Variants in B3GALT1 observed in about 807,000 individuals in gnomAD.
B3GALT1 encodes UDP-Gal:betaGlcNAc beta 1,3-galactosyltransferase, polypeptide 1.
B3GALT1 carries 10 observed loss-of-function variants against 23.2 expected under a neutral mutation model. The observed-to-expected ratio is 0.43, with a 90% CI of 0.27 to 0.73. B3GALT1 has a LOEUF of 0.73. Among genes scored for constraint, B3GALT1 ranks in the 30% least tolerant of loss-of-function variants. The probability of loss-of-function intolerance (pLI) is 0.21; values close to 1 mark genes in which losing one functional copy is unlikely to be tolerated. For missense variants in B3GALT1, 299 were observed against 405.4 expected, an observed-to-expected ratio of 0.74 and a Z score of 2.25; for synonymous variants, 156 against 141.5, an observed-to-expected ratio of 1.10 and a Z score of -0.73.
intron 1 of B3GALT1, among the ~76,000 whole-genome samples, chr2:167,378,478 C>T (rs1178929504): frequency 6.6e-6 from 1 of 151,950 alleles, no homozygotes; most frequent in African/African-American, 2.4e-5. Flanking sequence ...GTTTAGTTGC[C>T]TTAAATAATA....
intron 3 of B3GALT1, chr2:167,714,052 A>G (rs1030536881): frequency 3.1e-5 from 47 of 1,537,146 alleles, no homozygotes; most frequent in Non-Finnish European, 4.1e-5. Context: ...GCACATTTAA[A>G]TGACCAGGAT....
intron 2 of B3GALT1, among the ~76,000 whole-genome samples, chr2:167,609,220 C>T (rs529362806): frequency 4.0e-4 from 61 of 152,084 alleles, no homozygotes; most frequent in African/African-American, 1.3e-3. Flanking sequence ...CCAATAATAA[C>T]GTATTTGTTC....
chr2:167,331,481 G>T (rs1356618605), intron 1 of B3GALT1, among the ~76,000 whole-genome samples: 1 of 152,158 alleles, frequency 6.6e-6, no homozygotes, highest in Admixed American at 6.5e-5. Context: ...GGTGTTGGCA[G>T]TGTATGTGAT....
At chr2:167,356,159 C>G (rs756599591) in intron 1 of B3GALT1, among the ~76,000 whole-genome samples, 1 of 152,156 alleles carries the variant, frequency 6.6e-6, no homozygotes, top group Non-Finnish European at 1.5e-5. Context: ...AGGAACTGCT[C>G]TTGATTAGGT....
At chr2:167,674,367 TC>T (rs1437538640) in intron 3 of B3GALT1, among the ~76,000 whole-genome samples, 3 of 152,180 alleles carry the variant, frequency 2.0e-5, no homozygotes, top group African/African-American at 7.2e-5. Flanking sequence ...TACATTTTTT[TC>T]ATTTACTTCA....
chr2:167,519,077 C>T (rs1919850), intron 2 of B3GALT1, among the ~76,000 whole-genome samples: 84,763 of 149,882 alleles, frequency 0.57, 27,428 homozygotes, highest in East Asian at 0.9. Flanking sequence ...AATACAATTT[C>T]TTTTTTTTGT....
intron 1 of B3GALT1, among the ~76,000 whole-genome samples, chr2:167,453,825 G>C (rs1357925562): frequency 6.6e-6 from 1 of 152,194 alleles, no homozygotes; most frequent in African/African-American, 2.4e-5. Context: ...GGATTTCTTT[G>C]TGAAGTTCTG....
chr2:167,485,076 C>G (rs1337281740), intron 1 of B3GALT1, among the ~76,000 whole-genome samples: 2 of 152,088 alleles, frequency 1.3e-5, no homozygotes, highest in African/African-American at 2.4e-5. Context: ...GTCCAACCCC[C>G]ACTTCCCATC....
chr2:167,854,134 A>G (rs888407543), intron 4 of B3GALT1, among the ~76,000 whole-genome samples: 1 of 152,196 alleles, frequency 6.6e-6, no homozygotes, highest in Non-Finnish European at 1.5e-5. Flanking sequence ...GCAATTAATA[A>G]TAGCCAAAAT....
chr2:167,334,925 T>G (rs929070018), intron 1 of B3GALT1, among the ~76,000 whole-genome samples: 8 of 152,200 alleles, frequency 5.3e-5, no homozygotes, highest in African/African-American at 1.9e-4. Flanking sequence ...TTTTGTAATT[T>G]TATTTCTTTA....
chr2:167,778,267 C>A (rs1460209641), intron 3 of B3GALT1, among the ~76,000 whole-genome samples: 1 of 152,084 alleles, frequency 6.6e-6, no homozygotes, highest in Admixed American at 6.6e-5. Flanking sequence ...GTTCTACTGT[C>A]TCCTCTGTGT....
chr2:167,625,940 GCCATATATATATATATATATAT>G, intron 2 of B3GALT1, among the ~76,000 whole-genome samples: 1 of 70,568 alleles, frequency 1.4e-5, no homozygotes, highest in Admixed American at 1.6e-4. Context: ...CAATGACTAG[GCCATATATATATATATATATAT>G]ATATATATAT....
At chr2:167,716,252 G>A (rs542200101) in intron 3 of B3GALT1, among the ~76,000 whole-genome samples, 4 of 151,754 alleles carry the variant, frequency 2.6e-5, no homozygotes, top group Admixed American at 1.3e-4. Flanking sequence ...GGCCCGTGCT[G>A]CCCCCCGCAC....
chr2:167,578,684 A>G (rs960738221), intron 2 of B3GALT1, among the ~76,000 whole-genome samples: 3 of 151,958 alleles, frequency 2.0e-5, no homozygotes, highest in Non-Finnish European at 2.9e-5. Context: ...TAAAATCATA[A>G]CAGATGTCCT....
chr2:167,517,572 G>C (rs904463183), intron 2 of B3GALT1, among the ~76,000 whole-genome samples: 25 of 151,856 alleles, frequency 1.6e-4, no homozygotes, highest in African/African-American at 5.8e-4. Flanking sequence ...CTTTTTCATT[G>C]ATTACCATTA....
At chr2:167,770,375 G>A (rs912044001) in intron 3 of B3GALT1, among the ~76,000 whole-genome samples, 8 of 152,188 alleles carry the variant, frequency 5.3e-5, no homozygotes, top group African/African-American at 1.9e-4. Flanking sequence ...TGGGCTTAAA[G>A]ACTAATGAAA....
At chr2:167,433,314 C>G (rs73023863) in intron 1 of B3GALT1, among the ~76,000 whole-genome samples, 2,334 of 152,126 alleles carry the variant, frequency 0.015, 64 homozygotes, top group African/African-American at 0.051. Context: ...CTGGATATAC[C>G]ATAGTTTATT....
chr2:167,517,895 A>G (rs1286236427), intron 2 of B3GALT1, among the ~76,000 whole-genome samples: 2 of 152,094 alleles, frequency 1.3e-5, no homozygotes, highest in African/African-American at 2.4e-5. Context: ...CTCTAATTTT[A>G]TGAACTATCC....
intron 1 of B3GALT1, among the ~76,000 whole-genome samples, chr2:167,389,573 T>C (rs1253038683): frequency 6.6e-6 from 1 of 152,144 alleles, no homozygotes; most frequent in Non-Finnish European, 1.5e-5. Flanking sequence ...ACCAGGAATA[T>C]CCAGTTCCAT....
Sources: gnomAD v4.1 joint callset for allele counts (sites outside exome capture counted in the v4.1 genomes callset) on GRCh38, gnomAD v4.1.1 for gene constraint, MANE v1.5 for transcripts, NCBI Gene and HGNC (gene_info 2026-07-23, HGNC 2026-07-21) for gene names.